The following RASEF variants were observed in gnomAD, a reference collection of about 807,000 sequenced individuals.
RASEF encodes ras and EF-hand domain-containing protein.
In RASEF, 68 loss-of-function variants were observed where a neutral mutation model predicts 90.1. The ratio of observed to expected loss-of-function variants is 0.75; its 90% CI spans 0.62 to 0.92. The LOEUF (loss-of-function observed/expected upper bound fraction) is 0.92, where lower values mean the gene tolerates loss of function less well. RASEF is among the 40% of genes least tolerant of loss of function. RASEF has a pLI of 0.00. For missense variants in RASEF, 949 were observed against 937.2 expected (o/e 1.01, Z -0.16); for synonymous variants, 331 against 345.2 (o/e 0.96, Z 0.46).
chr9:83,107,789 T>A, the RASEF span, among the ~76,000 whole-genome samples: 1 of 152,178 alleles, frequency 6.6e-6, no homozygotes, highest in South Asian at 2.1e-4. Context: ...TATTCCTGCC[T>A]CTTCTTGTGG....
At chr9:83,186,247 C>G in the RASEF span, among the ~76,000 whole-genome samples, 1 of 152,110 alleles carries the variant, frequency 6.6e-6, no homozygotes, top group Non-Finnish European at 1.5e-5. Context: ...AAGCTTACAA[C>G]AAACACCCAG....
In RASEF at chr9:82,980,326, C is replaced by T; in HGVS notation, c.*2351G>A. 1 of 152,144 alleles carries T rather than the reference C, an allele frequency of 6.6e-6. No individual in the cohort carries two copies. The highest frequency in any genetic ancestry group is 1.9e-4 in the East Asian group (1 of 5,190). 9.4% of individuals were successfully genotyped at this position (152,144 alleles called of 1,614,324 possible). A position where few individuals can be genotyped will look rare whatever the true frequency, so the allele number is the denominator to read the frequency against. ...AAACGTTGGTAATAATCATGAATCT[C>T]CCAGCATACAGAGCTTTAAGAAGCT... is the stretch of plus-strand genomic sequence containing the variant. On this transcript the variant is annotated 3_prime_UTR_variant, in exon 17 of 17. Coordinates refer to ENST00000376447, the MANE Select transcript of RASEF (RefSeq NM_152573.4).
the RASEF span, among the ~76,000 whole-genome samples, chr9:83,093,797 G>A: frequency 6.6e-6 from 1 of 152,266 alleles, no homozygotes; most frequent in African/African-American, 2.4e-5. Context: ...TGCCGCCAAA[G>A]TGGGAGCCCA....
At chr9:83,018,532 T>C (rs1829385276) in intron 3 of RASEF, among the ~76,000 whole-genome samples, 1 of 152,154 alleles carries the variant, frequency 6.6e-6, no homozygotes, top group African/African-American at 2.4e-5. Flanking sequence ...TGAAGTTCAG[T>C]CAAACTCCCT....
chr9:83,064,044 A>G (rs1830259928), upstream of RASEF, among the ~76,000 whole-genome samples: 1 of 151,630 alleles, frequency 6.6e-6, no homozygotes, highest in Admixed American at 6.6e-5. Context: ...AGACTTTCTG[A>G]CTCTGTATTT....
chr9:83,146,791 T>G, the RASEF span, among the ~76,000 whole-genome samples: 2 of 152,074 alleles, frequency 1.3e-5, no homozygotes, highest in African/African-American at 2.4e-5. Flanking sequence ...TATGTTGGGC[T>G]TCTGAAACCT....
chr9:83,009,968 C>G (rs1042963097), intron 5 of RASEF, among the ~76,000 whole-genome samples: 1 of 152,118 alleles, frequency 6.6e-6, no homozygotes, highest in African/African-American at 2.4e-5. Flanking sequence ...CAAAGTCATT[C>G]TTCATTTTTT....
chr9:82,991,286 C>T (rs1442793960), intron 15 of RASEF, among the ~76,000 whole-genome samples: 1 of 152,192 alleles, frequency 6.6e-6, no homozygotes, highest in African/African-American at 2.4e-5. Flanking sequence ...GGTAATCCTT[C>T]CTTGCAGTTA....
At chr9:83,196,086 G>A in the RASEF span, among the ~76,000 whole-genome samples, 115 of 152,164 alleles carry the variant, frequency 7.6e-4, no homozygotes, top group Admixed American at 2.4e-3. Context: ...ACTGGCAGGT[G>A]GAGTTGGACT....
intron 16 of RASEF, 82 bp from the exon 17 acceptor site, chr9:82,982,864 A>G: frequency 1.2e-6 from 1 of 814,386 alleles, no homozygotes; most frequent in South Asian, 1.4e-5. Context: ...TAAGCCACAG[A>G]TGGTTCTGTA....
At chr9:83,186,882 T>G in the RASEF span, among the ~76,000 whole-genome samples, 1 of 152,300 alleles carries the variant, frequency 6.6e-6, no homozygotes, top group East Asian at 1.9e-4. Context: ...GGGAAGAGAC[T>G]GCCTCCCACC....
intron 1 of RASEF, chr9:83,055,595 T>C: frequency 4.2e-6 from 3 of 718,002 alleles, no homozygotes; most frequent in Non-Finnish European, 7.8e-6. Context: ...AGTGTTTCTC[T>C]GCCTTCCTTT....
Position 83,044,023 on chromosome 9 carries a change from C to A in RASEF, c.432-18102G>T, listed in dbSNP as rs541859873. On this transcript the variant is annotated intron_variant, in intron 1 of 16. Coordinates refer to ENST00000376447, the MANE Select transcript of RASEF (RefSeq NM_152573.4). ...TTTAGGACCTATACCTGATGGAATA[C>A]TTCTGGCTTCCCTGTGCTCTCTATT... Among the ~76,000 whole-genome samples the A allele has an allele frequency of 2.0e-5, 3 of 152,304 alleles. 1 individual carries two copies. The highest frequency in any genetic ancestry group is 4.8e-5 in the African/African-American group (2 of 41,568).
At chr9:83,181,400 T>C in the RASEF span, among the ~76,000 whole-genome samples, 1 of 152,126 alleles carries the variant, frequency 6.6e-6, no homozygotes, top group South Asian at 2.1e-4. Context: ...GCTGGACTTG[T>C]TCAATCATAT....
chr9:83,116,047 G>T, the RASEF span, among the ~76,000 whole-genome samples: 1 of 152,124 alleles, frequency 6.6e-6, no homozygotes, highest in Admixed American at 6.5e-5. Context: ...ATGTAGTGGA[G>T]ATTTGAAACC....
intron 14 of RASEF, among the ~76,000 whole-genome samples, chr9:82,996,612 GGT>G (rs1425720481): frequency 6.6e-6 from 1 of 152,096 alleles, no homozygotes. Context: ...ATATCCAGGT[GGT>G]GTTTCACCTG....
chr9:83,188,661 A>G, the RASEF span, among the ~76,000 whole-genome samples: 1 of 152,152 alleles, frequency 6.6e-6, no homozygotes, highest in Non-Finnish European at 1.5e-5. Context: ...TGCACAAAAC[A>G]CACATACCGG....
At chr9:83,009,494 C>A in intron 6 of RASEF, 147 bp downstream of exon 6, 1 of 528,994 alleles carries the variant, frequency 1.9e-6, no homozygotes, top group Non-Finnish European at 3.3e-6. Context: ...CACTAGGAAA[C>A]CTGATACTGA....
At chr9:83,068,151 C>T (rs7043206), upstream of RASEF, among the ~76,000 whole-genome samples, 212 of 152,314 alleles carry the variant, frequency 1.4e-3, no homozygotes, top group African/African-American at 5.0e-3. Context: ...AGATTACAGG[C>T]GTGAGCCGCC....
Sources: gnomAD v4.1 joint callset for allele counts (sites outside exome capture counted in the v4.1 genomes callset) on GRCh38, gnomAD v4.1.1 for gene constraint, MANE v1.5 for transcripts, NCBI Gene and HGNC (gene_info 2026-07-23, HGNC 2026-07-21) for gene names.